FBXO42: variants seen among roughly 807,000 people sequenced by gnomAD.
The protein encoded by FBXO42 is F-box only protein 42.
In FBXO42, 12 loss-of-function variants were observed where a neutral mutation model predicts 71.7. The observed-to-expected ratio is 0.17, with a 90% CI of 0.11 to 0.27. The LOEUF (loss-of-function observed/expected upper bound fraction) is 0.27. FBXO42 is among the 10% of genes least tolerant of loss of function. FBXO42 has a pLI of 1.00. For synonymous variants in FBXO42, 325 were observed against 327.5 expected, an observed-to-expected ratio of 0.99 and a Z score of 0.08; for missense variants, 707 against 911.9, an observed-to-expected ratio of 0.78 and a Z score of 2.89.
At chr1:16,301,342 T>C (rs1569884834) in intron 3 of FBXO42, among the ~76,000 whole-genome samples, 2 of 152,180 alleles carry the variant, frequency 1.3e-5, no homozygotes, top group East Asian at 3.9e-4. Context: ...ATTTATTAGA[T>C]ATCAACTATG....
intron 4 of FBXO42, among the ~76,000 whole-genome samples, chr1:16,280,512 A>G (rs2081951869): frequency 6.6e-6 from 1 of 152,212 alleles, no homozygotes; most frequent in Admixed American, 6.5e-5. Context: ...AATGGCAAAA[A>G]CCGCAATTAC....
chr1:16,302,141 A>G (rs2082201690), intron 3 of FBXO42, among the ~76,000 whole-genome samples: 1 of 152,194 alleles, frequency 6.6e-6, no homozygotes, highest in South Asian at 2.1e-4. Context: ...AGAGAGGAAG[A>G]AAAGAGCTTA....
At chr1:16,274,152 C>A (rs2081873607) in intron 4 of FBXO42, among the ~76,000 whole-genome samples, 2 of 150,822 alleles carry the variant, frequency 1.3e-5, no homozygotes, top group African/African-American at 4.9e-5. Flanking sequence ...TCTACAAAAA[C>A]TAAATTAGTC....
chr1:16,278,815 A>G (rs925671480), intron 4 of FBXO42, among the ~76,000 whole-genome samples: 9 of 151,780 alleles, frequency 5.9e-5, no homozygotes, highest in Admixed American at 5.3e-4. Flanking sequence ...CTTGTTGCCG[A>G]GGCTGGAGGC....
intron 2 of FBXO42, among the ~76,000 whole-genome samples, chr1:16,314,540 T>C (rs1187647963): frequency 6.6e-6 from 1 of 152,242 alleles, no homozygotes; most frequent in Non-Finnish European, 1.5e-5. Flanking sequence ...GCAGTTACAA[T>C]AGTGCTTGAC....
Position 16,251,233 on chromosome 1 carries a change from G to A in FBXO42, c.1591C>T (p.Pro531Ser), listed in dbSNP as rs779067946. 9 of 1,614,208 alleles carry A rather than the reference G, an allele frequency of 5.6e-6. 1 individual carries two copies. The South Asian group carries it at 8.8e-5, about 16-fold the overall frequency. Reference sequence around the variant, plus strand: ...GTATGCACACCATTTGTCTGTTCAGGAGGGTGTCTCATACTTCCCCCAACT... The same window carrying A: ...GTATGCACACCATTTGTCTGTTCAGAAGGGTGTCTCATACTTCCCCCAACT... The part of the protein sequence containing the change: ...RTVGGSMRHP[P>S]EQTNGVHTPP... Residue 531 changes from proline to serine, a missense_variant, in exon 10 of 10, where the codon CCT (proline) becomes TCT (serine). Pro to Ser is a moderately conservative substitution (Grantham distance 74). This residue lies in a region of FBXO42 where 482 missense variants were observed against 587.1 expected (regional missense o/e 0.82). Coordinates refer to ENST00000375592, the MANE Select transcript of FBXO42 (RefSeq NM_018994.3). This position sits in a 1 kb window ranked among gnomAD's most constrained non-coding sequence, Gnocchi z 4.5.
chr1:16,273,280 C>T (rs981190136), intron 4 of FBXO42, among the ~76,000 whole-genome samples: 3 of 152,162 alleles, frequency 2.0e-5, no homozygotes, highest in African/African-American at 7.2e-5. Context: ...TTCCCTCCTA[C>T]AATATCTTCC....
chr1:16,308,738 C>CTTTTT (rs1375953649), intron 2 of FBXO42, among the ~76,000 whole-genome samples: 3 of 116,500 alleles, frequency 2.6e-5, no homozygotes, highest in South Asian at 2.9e-4. Context: ...GACCCCATCT[C>CTTTTT]TGTTTTTTTT....
In FBXO42 at chr1:16,252,366, A is replaced by G. The variant is rs1569804173; in HGVS notation, c.960T>C (p.Gly320=). 1 of 1,614,074 alleles carries G rather than the reference A, an allele frequency of 6.2e-7. No homozygotes were observed. The highest frequency in any genetic ancestry group is 8.5e-7 in the Non-Finnish European group (1 of 1,180,040). ...CCTTGAGTGGCTGCCAGGCCCAAGG[A>G]CCAGAATGCATGTGCAACAACCAAG... is the stretch of plus-strand genomic sequence containing the variant. ...KDAWLLHMHS[G]PWAWQPLKVE... The change falls in exon 9 of 10, where the codon GGT becomes GGC. Residue 320 remains glycine (G), a synonymous_variant. Coordinates refer to ENST00000375592, the MANE Select transcript of FBXO42 (RefSeq NM_018994.3). The surrounding 1 kb of genome is among the most constrained non-coding windows in gnomAD (Gnocchi z 4.4).
chr1:16,340,670 A>G (rs1557608396), intron 1 of FBXO42, among the ~76,000 whole-genome samples: 1 of 152,168 alleles, frequency 6.6e-6, no homozygotes, highest in Non-Finnish European at 1.5e-5. Flanking sequence ...AGTTACTTCT[A>G]AAACTTAACC....
At chr1:16,260,291 C>T (rs2081697335) in intron 4 of FBXO42, among the ~76,000 whole-genome samples, 1 of 150,770 alleles carries the variant, frequency 6.6e-6, no homozygotes, top group African/African-American at 2.4e-5. Flanking sequence ...TCACTGCAAC[C>T]TCTGCCTCCC....
At chr1:16,327,316 T>C (rs1461731176) in intron 1 of FBXO42, among the ~76,000 whole-genome samples, 1 of 152,196 alleles carries the variant, frequency 6.6e-6, no homozygotes, top group Admixed American at 6.6e-5. Context: ...CAGTTCATCT[T>C]AGTTGGGAGT....
chr1:16,307,094 A>G (rs9439615), intron 2 of FBXO42, among the ~76,000 whole-genome samples: 114,582 of 151,800 alleles, frequency 0.75, 43,582 homozygotes, highest in East Asian at 0.86. Context: ...GTTTCACCAC[A>G]GTGGCCAGGC....
intron 4 of FBXO42, chr1:16,293,970 T>C (rs1011497709): frequency 1.3e-5 from 2 of 152,116 alleles, no homozygotes; most frequent in Non-Finnish European, 2.9e-5. Flanking sequence ...GTAATCAAAG[T>C]AGTAAGGCAA....
chr1:16,314,187 T>A (rs1569908691), intron 2 of FBXO42, among the ~76,000 whole-genome samples: 1 of 152,174 alleles, frequency 6.6e-6, no homozygotes, highest in Non-Finnish European at 1.5e-5. Flanking sequence ...TGACCTCAGG[T>A]GACCCACCTG....
intron 2 of FBXO42, among the ~76,000 whole-genome samples, chr1:16,309,228 C>T (rs1265708696): frequency 6.6e-6 from 1 of 151,372 alleles, no homozygotes; most frequent in African/African-American, 2.4e-5. Context: ...CCACCATACC[C>T]AGCTAATTTT....
intron 1 of FBXO42, among the ~76,000 whole-genome samples, chr1:16,338,994 A>G (rs2082578606): frequency 6.6e-6 from 1 of 151,810 alleles, no homozygotes; most frequent in South Asian, 2.1e-4. Flanking sequence ...TATTTTTAGT[A>G]GAGATGGGGT....
chr1:16,285,173 C>T (rs1034349896), intron 4 of FBXO42, among the ~76,000 whole-genome samples: 2 of 151,832 alleles, frequency 1.3e-5, no homozygotes, highest in Admixed American at 1.3e-4. Flanking sequence ...AAAAACACAA[C>T]GAACATCTCA....
rs188683061 is a variant in FBXO42, at chr1:16,335,786, G to A, written c.-18+16469C>T. On this transcript the variant is annotated intron_variant, in intron 1 of 9. Coordinates refer to ENST00000375592, the MANE Select transcript of FBXO42 (RefSeq NM_018994.3). ...GGAGGCTGAGGCAGGAGAATCGCTT[G>A]AACCTGAGAGGCAGAGGTTGCAGTG... is the stretch of plus-strand genomic sequence containing the variant. Among the ~76,000 whole-genome samples, 1,272 of 148,682 alleles carry A rather than the reference G, an allele frequency of 8.6e-3. 20 individuals carry two copies. Among genetic ancestry groups the A allele is most frequent in the African/African-American group, 0.029 (1,158 of 40,242 alleles).
Sources: allele counts gnomAD v4.1 joint callset (sites outside exome capture counted in the v4.1 genomes callset), GRCh38; gene constraint gnomAD v4.1.1; regional missense constraint gnomAD v4.1.1; non-coding constraint Gnocchi (gnomAD v3.1); transcripts MANE v1.5; gene names NCBI Gene and HGNC (gene_info 2026-07-23, HGNC 2026-07-21).